Variants in DCP2 observed in about 807,000 individuals in gnomAD.
DCP2 encodes the protein m7GpppN-mRNA hydrolase.
DCP2 carries 30 observed loss-of-function variants against 56.1 expected under a neutral mutation model. The observed-to-expected ratio is 0.53, with a 90% CI of 0.40 to 0.73. The LOEUF (loss-of-function observed/expected upper bound fraction) is 0.73, where lower values mean the gene tolerates loss of function less well. Among genes scored for constraint, DCP2 ranks in the 30% least tolerant of loss-of-function variants. The pLI, the probability that DCP2 is intolerant of heterozygous loss-of-function variation, is 0.00. For missense variants in DCP2, 533 were observed against 502.7 expected, an observed-to-expected ratio of 1.06 and a Z score of -0.58; for synonymous variants, 197 against 163.3, an observed-to-expected ratio of 1.21 and a Z score of -1.57.
At chr5:112,981,154 A>G (rs1338490946) in intron 1 of DCP2, among the ~76,000 whole-genome samples, 3 of 152,048 alleles carry the variant, frequency 2.0e-5, no homozygotes, top group Non-Finnish European at 4.4e-5. Flanking sequence ...GACTATAGGC[A>G]TGTACCACCA....
chr5:112,992,868 C>G (rs763219209), intron 4 of DCP2, 98 bp downstream of exon 4: 8 of 818,980 alleles, frequency 9.8e-6, no homozygotes, highest in Non-Finnish European at 1.2e-5. Flanking sequence ...CTGTCTTAAC[C>G]CTTTCCAGAA....
chr5:112,995,064 G>T (rs955451931), intron 4 of DCP2, among the ~76,000 whole-genome samples: 1 of 152,120 alleles, frequency 6.6e-6, no homozygotes, highest in African/African-American at 2.4e-5. Flanking sequence ...GCTGGTGGTG[G>T]TTTATTATAG....
intron 10 of DCP2, among the ~76,000 whole-genome samples, chr5:113,012,503 A>C (rs925926313): frequency 1.3e-5 from 2 of 152,202 alleles, no homozygotes; most frequent in African/African-American, 4.8e-5. Context: ...TTTCTACCCC[A>C]GCCTCTTGAT....
At chr5:112,981,807 G>A (rs560353961) in intron 1 of DCP2, among the ~76,000 whole-genome samples, 2 of 152,142 alleles carry the variant, frequency 1.3e-5, no homozygotes, top group East Asian at 3.9e-4. Flanking sequence ...AGTCTTGCTC[G>A]TTTGCCCAGG....
intron 2 of DCP2, among the ~76,000 whole-genome samples, chr5:112,989,577 A>G (rs1412645472): frequency 1.3e-5 from 2 of 152,238 alleles, no homozygotes; most frequent in Non-Finnish European, 2.9e-5. Context: ...TTCAGAGGCT[A>G]AAACATGTAG....
At chr5:113,009,980 A>G (rs532295261) in intron 9 of DCP2, among the ~76,000 whole-genome samples, 2 of 142,456 alleles carry the variant, frequency 1.4e-5, no homozygotes, top group Admixed American at 7.1e-5. Context: ...TGGCACGTAC[A>G]TTGTTTACTG....
intron 2 of DCP2, 97 bp downstream of exon 2, chr5:112,986,083 A>C: frequency 8.1e-7 from 1 of 1,242,208 alleles, no homozygotes; most frequent in Non-Finnish European, 1.1e-6. Context: ...TAAAACTATT[A>C]GAGAAAAACA....
At chr5:112,977,038 C>G (rs747976544) in intron 1 of DCP2, 52 bp downstream of exon 1, 1 of 1,439,952 alleles carries the variant, frequency 6.9e-7, no homozygotes, top group East Asian at 2.6e-5. Flanking sequence ...CTCAGTTTCG[C>G]GGACCCCCAG....
In DCP2 at chr5:113,018,260, C is replaced by T. The variant is rs1348513157; in HGVS notation, c.*4776C>T. On this transcript the variant is annotated 3_prime_UTR_variant, in exon 11 of 11. Coordinates refer to ENST00000389063, the MANE Select transcript of DCP2 (RefSeq NM_152624.6). ...TTGACTTCCACCAGCTGAGTACAAA[C>T]AAGTGTAAAGAAAAACTATGATAAA... 1 of 152,124 alleles carries T rather than the reference C, an allele frequency of 6.6e-6. No individual in the cohort carries two copies. The highest frequency in any genetic ancestry group is 1.5e-5 in the Non-Finnish European group (1 of 68,022). The allele number at this position is 152,124 out of a possible 1,614,324, so 9.4% of individuals were successfully genotyped here.
intron 1 of DCP2, among the ~76,000 whole-genome samples, chr5:112,979,911 G>C (rs1747918333): frequency 6.6e-6 from 1 of 152,174 alleles, no homozygotes; most frequent in African/African-American, 2.4e-5. Context: ...TGTGGGTGGG[G>C]AAGGGGTATA....
intron 7 of DCP2, among the ~76,000 whole-genome samples, chr5:113,002,621 A>G (rs1383282925): frequency 6.6e-6 from 1 of 152,042 alleles, no homozygotes; most frequent in Non-Finnish European, 1.5e-5. Context: ...CCTGGACTCA[A>G]GTAATCATCC....
intron 1 of DCP2, among the ~76,000 whole-genome samples, chr5:112,979,202 C>G (rs1426653886): frequency 6.6e-6 from 1 of 151,990 alleles, no homozygotes; most frequent in African/African-American, 2.4e-5. Context: ...TTTGCAGTTA[C>G]TGTTTTTGGC....
chr5:112,987,593 C>T (rs915294653), intron 2 of DCP2, among the ~76,000 whole-genome samples: 1 of 143,958 alleles, frequency 6.9e-6, no homozygotes, highest in Non-Finnish European at 1.5e-5. Flanking sequence ...GCTGGGACTA[C>T]AGGTGCAAGC....
Position 112,992,774 on chromosome 5 carries a change from A to C in DCP2, c.432+4A>C. 1.3e-6 allele frequency: 2 copies of C among 1,560,704 alleles called. No homozygotes were observed. The highest frequency in any genetic ancestry group is 1.7e-6 in the Non-Finnish European group (2 of 1,164,936). On this transcript the variant is annotated splice_donor_region_variant and intron_variant, in intron 4 of 10. Transcript: ENST00000389063. ...TCATGATTGTGCTGCTAGAGAGGTAAGTTATTCCATTTTGATACACAGTAA... is the reference window on the plus strand; with the variant it reads ...TCATGATTGTGCTGCTAGAGAGGTACGTTATTCCATTTTGATACACAGTAA...
At chr5:112,978,457 C>T (rs1349140910) in intron 1 of DCP2, among the ~76,000 whole-genome samples, 1 of 152,156 alleles carries the variant, frequency 6.6e-6, no homozygotes, top group African/African-American at 2.4e-5. Context: ...GATTTCACAC[C>T]TATTCCTTTT....
At chr5:112,993,856 CTATG>C (rs1395403071) in intron 4 of DCP2, among the ~76,000 whole-genome samples, 2 of 151,894 alleles carry the variant, frequency 1.3e-5, no homozygotes, top group East Asian at 1.9e-4. Context: ...GTATGTGTAT[CTATG>C]TGTGTGTGTT....
chr5:113,000,969 A>G, intron 4 of DCP2, 115 bp from the exon 5 acceptor site: 2 of 1,049,694 alleles, frequency 1.9e-6, no homozygotes, highest in Non-Finnish European at 1.4e-6. Context: ...ATTTCTAGAA[A>G]TAGTAAATAC....
At position 113,019,264 on chromosome 5, in the gene DCP2, TG is replaced by T. The variant is rs1230622636; in HGVS notation, c.*5781del. On this transcript the variant is annotated 3_prime_UTR_variant, in exon 11 of 11. Transcript: ENST00000389063. ...AAATGAAAGTAAAGGTTCTCAACTGTGAATGAAATTTAGAAAGATAATTCTT... is the reference window on the plus strand; with the variant it reads ...AAATGAAAGTAAAGGTTCTCAACTGTAATGAAATTTAGAAAGATAATTCTT... The T allele has an allele frequency of 1.3e-5, 2 of 152,216 alleles. No individual in the cohort carries two copies. Among genetic ancestry groups the T allele is most frequent in the Non-Finnish European group, 2.9e-5 (2 of 68,030 alleles). The allele number at this position is 152,216 out of a possible 1,614,324, so 9.4% of individuals were successfully genotyped here.
At chr5:112,994,460 C>T (rs1316052616) in intron 4 of DCP2, among the ~76,000 whole-genome samples, 1 of 152,166 alleles carries the variant, frequency 6.6e-6, no homozygotes, top group African/African-American at 2.4e-5. Context: ...GCGTGAGCCA[C>T]TGTGCCCAGC....
Sources: allele counts gnomAD v4.1 joint callset (sites outside exome capture counted in the v4.1 genomes callset), GRCh38; gene constraint gnomAD v4.1.1; transcripts MANE v1.5; gene names NCBI Gene and HGNC (gene_info 2026-07-23, HGNC 2026-07-21).